The following BOLA3 variants were observed in gnomAD, a reference collection of about 807,000 sequenced individuals.
BOLA3 encodes bolA family member 3, also known as bolA-like protein 3.
Under a neutral mutation model 14.5 loss-of-function variants are expected in BOLA3, and 8 were observed. The ratio of observed to expected loss-of-function variants is 0.55; its 90% CI spans 0.32 to 0.99. BOLA3 has a LOEUF of 0.99. Ranked by LOEUF, BOLA3 falls within the 50% of genes least tolerant of loss-of-function variation. The probability of loss-of-function intolerance (pLI) is 0.04; values close to 1 mark genes in which losing one functional copy is unlikely to be tolerated. For missense variants in BOLA3, 115 were observed against 138.2 expected, an observed-to-expected ratio of 0.83 and a Z score of 0.84; for synonymous variants, 42 against 45.7, an observed-to-expected ratio of 0.92 and a Z score of 0.33.
chr2:74,144,512 T>C (rs566599850), intron 2 of BOLA3, among the ~76,000 whole-genome samples: 4 of 151,416 alleles, frequency 2.6e-5, no homozygotes, highest in Admixed American at 2.6e-4. Context: ...GGCCGTTCTG[T>C]GTGTACGTGT....
chr2:74,143,242 G>A (rs571455337), intron 2 of BOLA3, among the ~76,000 whole-genome samples: 40 of 151,876 alleles, frequency 2.6e-4, no homozygotes, highest in Non-Finnish European at 5.3e-4. Context: ...TGCAAGCTCC[G>A]CCTCCCAGGT....
chr2:74,135,897 C>T (rs1464208915), intron 3 of BOLA3, among the ~76,000 whole-genome samples: 4 of 151,958 alleles, frequency 2.6e-5, no homozygotes, highest in African/African-American at 9.7e-5. Flanking sequence ...TGTCCATCTC[C>T]CCAGTTTCCA....
At chr2:74,138,130 A>T (rs1352425553) in intron 3 of BOLA3, among the ~76,000 whole-genome samples, 1 of 152,206 alleles carries the variant, frequency 6.6e-6, no homozygotes, top group Non-Finnish European at 1.5e-5. Context: ...AGTCCCTTAC[A>T]GCCACACAGG....
chr2:74,139,600 A>AT (rs1334558840), intron 3 of BOLA3, among the ~76,000 whole-genome samples: 1 of 152,116 alleles, frequency 6.6e-6, no homozygotes, highest in Non-Finnish European at 1.5e-5. Context: ...GAAGATTTTC[A>AT]TTTTCATTCT....
At chr2:74,142,152 C>T (rs992634380) in intron 3 of BOLA3, 120 bp downstream of exon 3, 12 of 751,852 alleles carry the variant, frequency 1.6e-5, no homozygotes, top group African/African-American at 5.2e-5. Context: ...AGTCCTGTTT[C>T]GTGATTGCAG....
chr2:74,139,110 C>T (rs1483455333), intron 3 of BOLA3, among the ~76,000 whole-genome samples: 3 of 152,180 alleles, frequency 2.0e-5, no homozygotes, highest in African/African-American at 7.2e-5. Context: ...AGCAGGGTCC[C>T]AGAGGAACGA....
chr2:74,145,066 A>C lies in BOLA3; in HGVS notation c.169+123T>G, dbSNP rs1219002858. 3 of 715,352 alleles carry C rather than the reference A, an allele frequency of 4.2e-6. No homozygotes were observed. In the African/African-American group the frequency reaches 5.2e-5, roughly 12 times the overall value. 44.3% of individuals were successfully genotyped at this position (715,352 alleles called of 1,614,324 possible). On this transcript the variant is annotated intron_variant, in intron 2 of 3. Transcript: ENST00000327428. Reference sequence around the variant, plus strand: ...GGCAGCCGAGCTCCACCTGTCCAGCAGCAACACATCTTGAGAAGCCACTCA... The same window carrying C: ...GGCAGCCGAGCTCCACCTGTCCAGCCGCAACACATCTTGAGAAGCCACTCA...
At position 74,135,485 on chromosome 2, in the gene BOLA3, G is replaced by A. The variant is rs745416387; in HGVS notation, c.*108C>T. 2.1e-5 allele frequency: 31 copies of A among 1,496,326 alleles called. No individual in the cohort carries two copies. Among genetic ancestry groups the A allele is most frequent in the African/African-American group, 8.3e-5 (6 of 72,418 alleles). The allele number at this position is 1,496,326 out of a possible 1,614,324, so 92.7% of individuals were successfully genotyped here. A position where few individuals can be genotyped will look rare whatever the true frequency, so the allele number is the denominator to read the frequency against. On this transcript the variant is annotated 3_prime_UTR_variant, in exon 4 of 4. Transcript: ENST00000327428. The stretch of plus-strand genomic sequence containing the variant: ...TCTTCTATAATTATAATATGGAAAT[G>A]TATATGAGCAAAATATATAAATTTT...
chr2:74,138,853 C>A (rs994212204), intron 3 of BOLA3, among the ~76,000 whole-genome samples: 31 of 152,136 alleles, frequency 2.0e-4, no homozygotes, highest in African/African-American at 7.2e-4. Context: ...GCAATATTTG[C>A]CAATATGAGG....
chr2:74,143,265 C>T (rs1292279477), intron 2 of BOLA3, among the ~76,000 whole-genome samples: 3 of 152,050 alleles, frequency 2.0e-5, no homozygotes, highest in South Asian at 2.1e-4. Context: ...ACACCATTCT[C>T]CTGCCTCAGC....
At chr2:74,145,544 C>G (rs1411310181) in intron 1 of BOLA3, 1 of 557,540 alleles carries the variant, frequency 1.8e-6, no homozygotes, top group Admixed American at 3.1e-5. Flanking sequence ...AATTTGACTC[C>G]AGAGACAAGA....
intron 3 of BOLA3, 58 bp from the exon 4 acceptor site, chr2:74,135,716 C>T (rs1179947645): frequency 8.3e-7 from 1 of 1,200,160 alleles, no homozygotes; most frequent in Non-Finnish European, 1.2e-6. Context: ...TACAGTAATT[C>T]TCTGAGAGTA....
intron 1 of BOLA3, 27 bp from the exon 2 acceptor site, chr2:74,145,330 G>A (rs770784953): frequency 2.1e-5 from 29 of 1,353,670 alleles, no homozygotes; most frequent in Non-Finnish European, 2.9e-5. Context: ...AGGAAGGTCA[G>A]GGCAGAGGAA....
At chr2:74,145,972 G>A (rs867347685) in intron 1 of BOLA3, 1 of 151,838 alleles carries the variant, frequency 6.6e-6, no homozygotes, top group African/African-American at 2.4e-5. Context: ...TGGCTACCAT[G>A]GGGGAACCTG....
rs1265317807 is a variant in BOLA3, at chr2:74,147,817, T to C, written c.54+4A>G. 1.3e-6 allele frequency: 2 copies of C among 1,528,424 alleles called. No homozygotes were observed. The highest frequency in any genetic ancestry group is 1.7e-6 in the Non-Finnish European group (2 of 1,144,462). 94.7% of individuals were successfully genotyped at this position (1,528,424 alleles called of 1,614,324 possible). Reference sequence around the variant, plus strand: ...AGAGCAGCCCCGACCCTGCCCACGCTCACCCCGCGGATCCCGCGGAGGAGA... The same window carrying C: ...AGAGCAGCCCCGACCCTGCCCACGCCCACCCCGCGGATCCCGCGGAGGAGA... On this transcript the variant is annotated splice_donor_region_variant and intron_variant, in intron 1 of 3. Transcript: ENST00000327428.
At chr2:74,143,667 C>A (rs1476087891) in intron 2 of BOLA3, among the ~76,000 whole-genome samples, 1 of 152,070 alleles carries the variant, frequency 6.6e-6, no homozygotes, top group South Asian at 2.1e-4. Flanking sequence ...GAGCCCTCAC[C>A]TGATGTACCA....
At chr2:74,147,091 G>C (rs1210073308) in intron 1 of BOLA3, 1 of 152,310 alleles carries the variant, frequency 6.6e-6, no homozygotes, top group Non-Finnish European at 1.5e-5. Flanking sequence ...TAAGGGGTGA[G>C]AGAGGTGAGC....
intron 2 of BOLA3, among the ~76,000 whole-genome samples, chr2:74,144,264 C>T (rs557115230): frequency 6.6e-6 from 1 of 152,324 alleles, no homozygotes; most frequent in South Asian, 2.1e-4. Flanking sequence ...GCCTCAGCCT[C>T]TCAAAGTGCT....
Position 74,145,161 on chromosome 2 carries a change from G to A in BOLA3, c.169+28C>T, listed in dbSNP as rs113779235. ...CCAAAGGGCAAAATCTTATCCAAGCGCCGTAGGAAGAGTGAGAGAAACCTT... is the reference window on the plus strand; with the variant it reads ...CCAAAGGGCAAAATCTTATCCAAGCACCGTAGGAAGAGTGAGAGAAACCTT... On this transcript the variant is annotated intron_variant, in intron 2 of 3. Coordinates refer to ENST00000327428, the MANE Select transcript of BOLA3 (RefSeq NM_212552.3). 2.8e-3 allele frequency: 3,483 copies of A among 1,265,384 alleles called. 10 individuals carry two copies. Among genetic ancestry groups the A allele is most frequent in the African/African-American group, 0.013 (859 of 68,094 alleles). 78.4% of individuals were successfully genotyped at this position (1,265,384 alleles called of 1,614,324 possible). A position where few individuals can be genotyped will look rare whatever the true frequency, so the allele number is the denominator to read the frequency against.
Sources: gnomAD v4.1 joint callset for allele counts (sites outside exome capture counted in the v4.1 genomes callset) on GRCh38, gnomAD v4.1.1 for gene constraint, MANE v1.5 for transcripts, NCBI Gene and HGNC (gene_info 2026-07-23, HGNC 2026-07-21) for gene names.